The following CCSER1 variants were observed in gnomAD, a reference collection of about 807,000 sequenced individuals.
CCSER1 encodes the protein coiled-coil serine rich protein 1, also known as serine-rich coiled-coil domain-containing protein 1.
CCSER1 carries 41 observed loss-of-function variants against 82.0 expected under a neutral mutation model. The observed-to-expected ratio is 0.50, with a 90% confidence interval of 0.39 to 0.65. CCSER1 has a LOEUF of 0.65. CCSER1 is among the 30% of genes least tolerant of loss of function. The pLI, the probability that CCSER1 is intolerant of heterozygous loss-of-function variation, is 0.00. For missense variants in CCSER1, 1,119 were observed against 1,064.2 expected (o/e 1.05, Z -0.72); for synonymous variants, 414 against 383.9 (o/e 1.08, Z -0.92).
chr4:91,085,112 T>TA (rs1214089513), intron 9 of CCSER1, among the ~76,000 whole-genome samples: 1 of 151,916 alleles, frequency 6.6e-6, no homozygotes, highest in Non-Finnish European at 1.5e-5. Context: ...GGACACTTTT[T>TA]TTTTTTTACC....
At chr4:90,259,206 A>G (rs1331126229) in intron 1 of CCSER1, among the ~76,000 whole-genome samples, 2 of 152,076 alleles carry the variant, frequency 1.3e-5, no homozygotes, top group African/African-American at 2.4e-5. Flanking sequence ...AGTTAAGTAT[A>G]TTCCTAGGTA....
rs552894889 is a variant in CCSER1, at chr4:90,550,992, T to G, written c.1725-77033T>G. On this transcript the variant is annotated intron_variant, in intron 5 of 10. Coordinates refer to ENST00000509176, the MANE Select transcript of CCSER1 (RefSeq NM_001145065.2). ...TTTTATTAAGACATTAATATTGTTT[T>G]CATGATCATCATCATAAGTGTGACC... Among the ~76,000 whole-genome samples, 44 of 152,336 alleles carry G rather than the reference T, an allele frequency of 2.9e-4. 1 individual carries two copies. The South Asian group carries it at 8.3e-3, about 29-fold the overall frequency.
intron 8 of CCSER1, among the ~76,000 whole-genome samples, chr4:90,907,618 T>A (rs1725695515): frequency 6.6e-6 from 1 of 152,146 alleles, no homozygotes; most frequent in African/African-American, 2.4e-5. Context: ...ATAAAAGAAA[T>A]TCTAATCTGC....
chr4:90,936,519 T>A (rs902750013), intron 9 of CCSER1, among the ~76,000 whole-genome samples: 4 of 152,118 alleles, frequency 2.6e-5, no homozygotes, highest in African/African-American at 9.6e-5. Context: ...GTATTAAAAC[T>A]TTTATGGAAA....
At chr4:90,568,913 G>A (rs527446061) in intron 5 of CCSER1, among the ~76,000 whole-genome samples, 3 of 151,658 alleles carry the variant, frequency 2.0e-5, no homozygotes, top group South Asian at 4.2e-4. Context: ...GATTACAGGC[G>A]CCCACCACCA....
At chr4:90,496,205 T>G (rs931385440) in intron 5 of CCSER1, among the ~76,000 whole-genome samples, 1 of 152,164 alleles carries the variant, frequency 6.6e-6, no homozygotes, top group Non-Finnish European at 1.5e-5. Context: ...GGCCTCAGTT[T>G]CTATGGTGAC....
chr4:91,135,796 T>A (rs1045499245), intron 10 of CCSER1, among the ~76,000 whole-genome samples: 1 of 152,170 alleles, frequency 6.6e-6, no homozygotes, highest in Non-Finnish European at 1.5e-5. Context: ...GGGTGCAGCA[T>A]GAAGGGAGTT....
chr4:90,957,352 G>A (rs1302889622), intron 9 of CCSER1, among the ~76,000 whole-genome samples: 1 of 147,122 alleles, frequency 6.8e-6, no homozygotes, highest in Non-Finnish European at 1.5e-5. Flanking sequence ...TGCCTGCCTT[G>A]GCCTCCCAAA....
chr4:91,550,778 T>G (rs887441516), intron 10 of CCSER1, among the ~76,000 whole-genome samples: 4 of 152,162 alleles, frequency 2.6e-5, no homozygotes, highest in African/African-American at 9.6e-5. Context: ...TGCTAATATA[T>G]TATTGATATT....
intron 10 of CCSER1, among the ~76,000 whole-genome samples, chr4:91,148,060 G>T (rs542960883): frequency 1.2e-4 from 19 of 152,230 alleles, no homozygotes; most frequent in Middle Eastern, 3.4e-3. Flanking sequence ...CCATAGATAG[G>T]TTGACTAGAG....
intron 10 of CCSER1, among the ~76,000 whole-genome samples, chr4:91,360,665 C>G (rs1294871757): frequency 6.6e-6 from 1 of 151,690 alleles, no homozygotes; most frequent in African/African-American, 2.4e-5. Context: ...GCCATAACCA[C>G]AGTAACTGAT....
chr4:90,366,968 TA>T (rs1746386501), intron 3 of CCSER1, among the ~76,000 whole-genome samples: 1 of 151,870 alleles, frequency 6.6e-6, no homozygotes, highest in African/African-American at 2.4e-5. Context: ...TTGCATACAA[TA>T]CCATGTCTCT....
intron 4 of CCSER1, among the ~76,000 whole-genome samples, chr4:90,451,572 C>T (rs938162586): frequency 1.3e-5 from 2 of 152,186 alleles, no homozygotes; most frequent in South Asian, 4.1e-4. Context: ...AAGAACCCAG[C>T]TGGAACCCAG....
chr4:91,144,037 T>A (rs1729302885), intron 10 of CCSER1, among the ~76,000 whole-genome samples: 1 of 152,042 alleles, frequency 6.6e-6, no homozygotes, highest in African/African-American at 2.4e-5. Context: ...TTTGGAATAG[T>A]CTCAGTAGCT....
At position 90,427,254 on chromosome 4, in the gene CCSER1, A is replaced by C. The variant is rs547492528; in HGVS notation, c.1603+27125A>C. On this transcript the variant is annotated intron_variant, in intron 4 of 10. Coordinates refer to ENST00000509176, the MANE Select transcript of CCSER1 (RefSeq NM_001145065.2). ...TTGGAGAATTCGGACAAAAATTATT[A>C]AATTATGTTAAAAAATAATAGTTTA... Among the ~76,000 whole-genome samples the C allele has an allele frequency of 8.6e-4, 130 of 152,026 alleles. 1 individual carries two copies. Among genetic ancestry groups the C allele is most frequent in the African/African-American group, 2.7e-3 (111 of 41,544 alleles).
At chr4:90,764,368 G>A (rs1750880257) in intron 7 of CCSER1, among the ~76,000 whole-genome samples, 1 of 152,146 alleles carries the variant, frequency 6.6e-6, no homozygotes, top group Admixed American at 6.6e-5. Flanking sequence ...CCATTCATCT[G>A]CTATACAGAA....
At chr4:90,908,691 A>G (rs367938599) in intron 8 of CCSER1, among the ~76,000 whole-genome samples, 3 of 152,114 alleles carry the variant, frequency 2.0e-5, no homozygotes, top group African/African-American at 4.8e-5. Flanking sequence ...TGACACAAAC[A>G]TCTCAGTTTA....
intron 8 of CCSER1, among the ~76,000 whole-genome samples, chr4:90,910,591 C>A (rs2150188305): frequency 1.3e-5 from 2 of 152,260 alleles, no homozygotes; most frequent in South Asian, 4.2e-4. Flanking sequence ...AAATCACCTG[C>A]AATCTGCTCT....
chr4:90,308,765 G>T lies in CCSER1; in HGVS notation c.481G>T (p.Asp161Tyr). 1 of 1,613,834 alleles carries T rather than the reference G, an allele frequency of 6.2e-7. No individual in the cohort carries two copies. The highest frequency in any genetic ancestry group is 8.5e-7 in the Non-Finnish European group (1 of 1,179,866). ...AAGTTCTGGCAAAAGTGAAGGGGATGATTCTGGTTTCACAGAAGACCAAAC... is the reference window on the plus strand; with the variant it reads ...AAGTTCTGGCAAAAGTGAAGGGGATTATTCTGGTTTCACAGAAGACCAAAC... ...CLSSGKSEGDDSGFTEDQTRR... is the reference protein window; with the variant it reads ...CLSSGKSEGDYSGFTEDQTRR... The change falls in exon 2 of 11, where the codon GAT (aspartate) becomes TAT (tyrosine). Residue 161 changes from aspartate (D) to tyrosine (Y), a missense_variant. Asp to Tyr is a radical substitution (Grantham distance 160, BLOSUM62 -3). Transcript: ENST00000509176.
Sources: allele counts gnomAD v4.1 joint callset (sites outside exome capture counted in the v4.1 genomes callset), GRCh38; gene constraint gnomAD v4.1.1; transcripts MANE v1.5; gene names NCBI Gene and HGNC (gene_info 2026-07-23, HGNC 2026-07-21).